Variants in SNTG1 observed in about 807,000 individuals in gnomAD.
SNTG1 encodes syntrophin gamma 1.
In SNTG1, 39 loss-of-function variants were observed where a neutral mutation model predicts 74.7. The ratio of observed to expected loss-of-function variants is 0.52; its 90% CI spans 0.40 to 0.68. The LOEUF is 0.68. Among genes scored for constraint, SNTG1 ranks in the 30% least tolerant of loss-of-function variants. The pLI is 0.00. For synonymous variants in SNTG1, 254 were observed against 217.1 expected, an observed-to-expected ratio of 1.17 and a Z score of -1.49; for missense variants, 685 against 609.5, an observed-to-expected ratio of 1.12 and a Z score of -1.30.
chr8:50,047,929 G>GT (rs1172862398), intron 1 of SNTG1, among the ~76,000 whole-genome samples: 17 of 152,070 alleles, frequency 1.1e-4, no homozygotes, highest in African/African-American at 3.4e-4. Flanking sequence ...AAAATTTTAA[G>GT]TTTTTTCTGC....
chr8:50,612,336 A>G (rs1416995566), intron 13 of SNTG1, among the ~76,000 whole-genome samples: 1 of 152,190 alleles, frequency 6.6e-6, no homozygotes, highest in African/African-American at 2.4e-5. Context: ...TAGATCTAGT[A>G]GAATCCTTGA....
chr8:50,272,014 G>GC (rs2087810148), intron 2 of SNTG1, among the ~76,000 whole-genome samples: 1 of 151,998 alleles, frequency 6.6e-6, no homozygotes, highest in Non-Finnish European at 1.5e-5. Context: ...TCATCTATGA[G>GC]CCAGAAAGCA....
At chr8:50,233,787 G>A (rs2132081129) in intron 2 of SNTG1, among the ~76,000 whole-genome samples, 1 of 151,696 alleles carries the variant, frequency 6.6e-6, no homozygotes, top group Middle Eastern at 3.4e-3. Flanking sequence ...TGGCAAATAA[G>A]CACCTGATAG....
At chr8:50,632,603 C>A (rs1282223650) in intron 13 of SNTG1, among the ~76,000 whole-genome samples, 1 of 152,114 alleles carries the variant, frequency 6.6e-6, no homozygotes, top group African/African-American at 2.4e-5. Flanking sequence ...AGCCACCACA[C>A]CCAGCCCTAT....
chr8:50,377,290 C>T (rs1028356120), intron 2 of SNTG1, among the ~76,000 whole-genome samples: 12 of 151,770 alleles, frequency 7.9e-5, no homozygotes, highest in Non-Finnish European at 1.5e-4. Context: ...ATATTTATAC[C>T]CATTTATATA....
At chr8:50,151,037 G>T (rs1351043107) in intron 1 of SNTG1, among the ~76,000 whole-genome samples, 2 of 152,154 alleles carry the variant, frequency 1.3e-5, no homozygotes, top group African/African-American at 2.4e-5. Flanking sequence ...AATCTGCCTG[G>T]TCCTGGACTT....
At chr8:50,783,653 G>T (rs1446104372) in intron 18 of SNTG1, among the ~76,000 whole-genome samples, 1 of 152,332 alleles carries the variant, frequency 6.6e-6, no homozygotes, top group East Asian at 1.9e-4. Flanking sequence ...CACTTCCCGA[G>T]TGAGGCAATG....
At chr8:50,115,754 T>C (rs2080797994) in intron 1 of SNTG1, among the ~76,000 whole-genome samples, 3 of 151,982 alleles carry the variant, frequency 2.0e-5, no homozygotes, top group Admixed American at 2.0e-4. Context: ...TTACATTAAG[T>C]CAATGACCCA....
At chr8:50,620,443 C>G (rs750683534) in intron 13 of SNTG1, among the ~76,000 whole-genome samples, 2 of 152,154 alleles carry the variant, frequency 1.3e-5, no homozygotes, top group Non-Finnish European at 2.9e-5. Context: ...GTCCCTTTGG[C>G]ACCTGTAGGA....
chr8:50,077,514 G>C (rs766143532), intron 1 of SNTG1, among the ~76,000 whole-genome samples: 8 of 152,082 alleles, frequency 5.3e-5, no homozygotes, highest in Non-Finnish European at 1.0e-4. Flanking sequence ...TTATTTAATA[G>C]AACATTCTGA....
chr8:50,372,226 G>T (rs959962900), intron 2 of SNTG1, among the ~76,000 whole-genome samples: 1 of 151,732 alleles, frequency 6.6e-6, no homozygotes, highest in Admixed American at 6.6e-5. Flanking sequence ...CTGTGTGTGT[G>T]TGTGTGTGGT....
At chr8:50,633,132 T>A (rs2095014162) in intron 13 of SNTG1, among the ~76,000 whole-genome samples, 1 of 146,164 alleles carries the variant, frequency 6.8e-6, no homozygotes, top group Non-Finnish European at 1.5e-5. Flanking sequence ...AACCAGGCTA[T>A]AAAGCTGTCT....
intron 1 of SNTG1, among the ~76,000 whole-genome samples, chr8:50,054,934 C>T (rs1473669493): frequency 6.6e-6 from 1 of 152,172 alleles, no homozygotes; most frequent in East Asian, 1.9e-4. Flanking sequence ...ACCTCGGCCT[C>T]TCAAGGTACA....
intron 11 of SNTG1, 119 bp from the exon 12 acceptor site, chr8:50,552,931 G>A: frequency 2.5e-6 from 3 of 1,209,078 alleles, no homozygotes; most frequent in Non-Finnish European, 3.4e-6. Flanking sequence ...AACCAAATAT[G>A]AATTTGGAGG....
intron 2 of SNTG1, among the ~76,000 whole-genome samples, chr8:50,374,102 A>T (rs533923652): frequency 6.6e-6 from 1 of 152,330 alleles, no homozygotes; most frequent in Admixed American, 6.5e-5. Flanking sequence ...ATGGTGAAGG[A>T]CCCTGAACAA....
intron 1 of SNTG1, among the ~76,000 whole-genome samples, chr8:49,915,975 A>G (rs925633319): frequency 2.0e-5 from 3 of 152,178 alleles, no homozygotes; most frequent in Non-Finnish European, 4.4e-5. Context: ...AAACGTCACT[A>G]TGATTTTTTC....
At position 50,445,765 on chromosome 8, in the gene SNTG1, G is replaced by A. The variant is rs138882236; in HGVS notation, c.220-3903G>A. On this transcript the variant is annotated intron_variant, in intron 5 of 18. Coordinates refer to ENST00000642720, the MANE Select transcript of SNTG1 (RefSeq NM_018967.5). ...AACCACAGTCATGAGCCACAGTCCC[G>A]CCCAGGAGTGCCTTGGGGAGAAGAT... Among the ~76,000 whole-genome samples, 56 of 152,272 alleles carry A rather than the reference G, an allele frequency of 3.7e-4. 1 individual carries two copies. The East Asian group carries it at 0.01, about 28-fold the overall frequency.
chr8:50,495,685 A>G (rs2093897302), intron 8 of SNTG1, among the ~76,000 whole-genome samples: 1 of 152,140 alleles, frequency 6.6e-6, no homozygotes, highest in South Asian at 2.1e-4. Context: ...TCTTGCTCAA[A>G]TGCTTCTCTC....
At chr8:49,921,229 AG>A (rs1806514775) in intron 1 of SNTG1, among the ~76,000 whole-genome samples, 1 of 152,110 alleles carries the variant, frequency 6.6e-6, no homozygotes, top group African/African-American at 2.4e-5. Flanking sequence ...AGAGAAAAGA[AG>A]GTCATAAAAG....
Sources: gnomAD v4.1 joint callset for allele counts (sites outside exome capture counted in the v4.1 genomes callset) on GRCh38, gnomAD v4.1.1 for gene constraint, MANE v1.5 for transcripts, NCBI Gene and HGNC (gene_info 2026-07-23, HGNC 2026-07-21) for gene names.